The following ZSCAN5C variants were observed in gnomAD, a reference collection of about 807,000 sequenced individuals.
ZSCAN5C encodes zinc finger and SCAN domain-containing protein 5C.
In ZSCAN5C, 11 loss-of-function variants were observed where a neutral mutation model predicts 17.3. The observed-to-expected ratio is 0.64, with a 90% CI of 0.40 to 1.06. The LOEUF is 1.06. ZSCAN5C is among the 50% of genes least tolerant of loss of function. The pLI, the probability that ZSCAN5C is intolerant of heterozygous loss-of-function variation, is 0.00. For synonymous variants in ZSCAN5C, 229 were observed against 208.4 expected, an observed-to-expected ratio of 1.10 and a Z score of -0.85; for missense variants, 698 against 538.9, an observed-to-expected ratio of 1.30 and a Z score of -2.92.
chr19:56,208,001 T>C (rs564978660), intron 3 of ZSCAN5C, 33 bp from the exon 4 acceptor site: 1 of 703,086 alleles, frequency 1.4e-6, no homozygotes, highest in Non-Finnish European at 2.6e-6. Flanking sequence ...GGTTTAGGCA[T>C]GGCAGTCATT....
chr19:56,206,978 G>A (rs2032928304), intron 2 of ZSCAN5C, 81 bp from the exon 3 acceptor site: 4 of 647,756 alleles, frequency 6.2e-6, no homozygotes. Flanking sequence ...TAAAGTGTGA[G>A]CATTATGGCA....
chr19:56,205,088 C>T (rs770504148), intron 1 of ZSCAN5C, among the ~76,000 whole-genome samples: 17 of 151,546 alleles, frequency 1.1e-4, no homozygotes, highest in Non-Finnish European at 2.4e-4. Context: ...GGTGGGCAGG[C>T]GGTGATCACT....
rs529692972 is a variant in ZSCAN5C, at chr19:56,208,037, G to A, written c.592G>A (p.Glu198Lys). The A allele has an allele frequency of 8.2e-5, 60 of 729,702 alleles. 1 individual carries two copies. The highest frequency in any genetic ancestry group is 6.9e-4 in the African/African-American group (40 of 57,954). The allele number at this position is 729,702 out of a possible 1,614,324, so 45.2% of individuals were successfully genotyped here. A position where few individuals can be genotyped will look rare whatever the true frequency, so the allele number is the denominator to read the frequency against. The stretch of plus-strand genomic sequence containing the variant: ...GCTGTTGGTTTTCCATTCTCAGGAA[G>A]AGGACTTCCTGCTGCCAGAGACTAC... Residue 198 changes from glutamate to lysine, a missense_variant, in exon 4 of 5, where the codon GAG becomes AAG. Physicochemically the swap from Glu to Lys is moderately conservative, Grantham distance 56. Transcript: ENST00000534327.
intron 1 of ZSCAN5C, among the ~76,000 whole-genome samples, chr19:56,205,196 A>T (rs1853123793): frequency 6.6e-6 from 1 of 151,836 alleles, no homozygotes; most frequent in Non-Finnish European, 1.5e-5. Flanking sequence ...TCTTAGTCCC[A>T]TGAAATTGTT....
chr19:56,208,684 G>A (rs746154471), exon 5 of ZSCAN5C: 64 of 1,612,462 alleles, frequency 4.0e-5, no homozygotes, highest in Non-Finnish European at 4.9e-5. Flanking sequence ...GAGAATCCCC[G>A]GGACAAGCTG....
rs550590870 is a variant in ZSCAN5C at position 56,207,761 on chromosome 19, C to T, written c.589-273C>T. 1.6e-4 allele frequency among the ~76,000 whole-genome samples: 24 copies of T among 151,814 alleles called. 1 individual carries two copies. The highest frequency in any genetic ancestry group is 5.6e-4 in the African/African-American group (23 of 41,188). On this transcript the variant is annotated intron_variant, in intron 3 of 4. Transcript: ENST00000534327. ...CTAGAGGGTGGAGGCGGGGTCTCTG[C>T]TCTGCACAGGAGCGCCCCCTCCAGG...
chr19:56,209,372 T>G (rs1225701140), downstream of ZSCAN5C: 5 of 515,236 alleles, frequency 9.7e-6, no homozygotes, highest in Non-Finnish European at 1.4e-5. Flanking sequence ...GGAATTTTGG[T>G]TTTTGTTTCA....
intron 1 of ZSCAN5C, among the ~76,000 whole-genome samples, chr19:56,202,699 A>G (rs966099783): frequency 2.6e-5 from 4 of 151,972 alleles, no homozygotes; most frequent in Non-Finnish European, 4.4e-5. Flanking sequence ...AACTACAGGC[A>G]CTTGCCACCA....
At position 56,207,058 on chromosome 19, in the gene ZSCAN5C, G is replaced by A; in HGVS notation, c.385-1G>A. On this transcript the variant is annotated splice_acceptor_variant, in intron 2 of 4. Coordinates refer to ENST00000534327, the Ensembl canonical transcript of ZSCAN5C. LOFTEE classifies it high-confidence loss of function. ...TCTGATTGCTTTTTTTCTCTCTATAGTCTGTAGTCAGTTTTCTTGGCAAGG... is the reference window on the plus strand; with the variant it reads ...TCTGATTGCTTTTTTTCTCTCTATAATCTGTAGTCAGTTTTCTTGGCAAGG... 3 of 715,198 alleles carry A rather than the reference G, an allele frequency of 4.2e-6. No homozygotes were observed. The highest frequency in any genetic ancestry group is 7.7e-6 in the Non-Finnish European group (3 of 389,974). 44.3% of individuals were successfully genotyped at this position (715,198 alleles called of 1,614,324 possible). A position where few individuals can be genotyped will look rare whatever the true frequency, so the allele number is the denominator to read the frequency against.
At chr19:56,206,376 C>T (rs1265495822) in intron 2 of ZSCAN5C, 79 bp downstream of exon 2, 2 of 1,432,200 alleles carry the variant, frequency 1.4e-6, no homozygotes, top group African/African-American at 3.0e-5. Context: ...CTCGAGAGGA[C>T]CCGAGGGGCT....
Position 56,208,833 on chromosome 19 carries a change from C to T in ZSCAN5C, c.1124C>T (p.Thr375Met), listed in dbSNP as rs538159511. The change falls in exon 5 of 5, where the codon ACG becomes ATG. Residue 375 changes from threonine to methionine, a missense_variant. By Grantham distance (81) the Thr-to-Met change is moderately conservative. Around this residue, in one of 3 missense-constraint regions of ZSCAN5C, gnomAD observed 554 missense variants for 390.5 expected, o/e 1.42. Transcript: ENST00000534327. ...TATCGCGGCAAGTTAGCCGTCCACA[C>T]GAGATCACACACAGGCGAGAGACTC... 6.2e-5 allele frequency: 96 copies of T among 1,554,124 alleles called. No individual in the cohort carries two copies. The Middle Eastern group carries it at 6.7e-4, about 11-fold the overall frequency.
In ZSCAN5C at chr19:56,205,824, C is replaced by CA. The variant is rs1464415985; in HGVS notation, c.-90_-89insA. 1 of 620,414 alleles carries CA rather than the reference C, an allele frequency of 1.6e-6. No individual in the cohort carries two copies. Among genetic ancestry groups the CA allele is most frequent in the African/African-American group, 1.8e-5 (1 of 54,334 alleles). 38.4% of individuals were successfully genotyped at this position (620,414 alleles called of 1,614,324 possible). On this transcript the variant is annotated 5_prime_UTR_variant, in exon 2 of 5. It removes the in-frame stop codon of an upstream open reading frame in the 5' UTR. Transcript: ENST00000534327. ...ACAGTGAATCTATTACTGAGAAAAA[C>CA]CAGGGGTGGCCTGTGTATATAGGTC...
intron 3 of ZSCAN5C, 111 bp from the exon 4 acceptor site, chr19:56,207,923 C>G: frequency 1.6e-6 from 1 of 616,520 alleles, no homozygotes; most frequent in Non-Finnish European, 2.9e-6. Flanking sequence ...ACAGTGAAAA[C>G]CACCACACCT....
At chr19:56,208,540 G>C in exon 5 of ZSCAN5C, 1 of 1,589,506 alleles carries the variant, frequency 6.3e-7, no homozygotes, top group South Asian at 1.1e-5. Context: ...CCTGCGTTGT[G>C]GAGAGAGAAG....
intron 3 of ZSCAN5C, 106 bp from the exon 4 acceptor site, chr19:56,207,928 A>G: frequency 1.6e-6 from 1 of 624,878 alleles, no homozygotes; most frequent in Non-Finnish European, 2.9e-6. Context: ...GAAAACCACC[A>G]CACCTGTGTC....
exon 5 of ZSCAN5C, chr19:56,209,155 C>T: frequency 8.1e-7 from 1 of 1,237,378 alleles, no homozygotes; most frequent in Non-Finnish European, 1.2e-6. Context: ...GGCCGGCGAC[C>T]TTAAGACGCC....
At chr19:56,202,982 G>T (rs1277185296) in intron 1 of ZSCAN5C, among the ~76,000 whole-genome samples, 1 of 152,156 alleles carries the variant, frequency 6.6e-6, no homozygotes, top group Middle Eastern at 3.4e-3. Context: ...TGGGGGTCCT[G>T]TGTGCTGTAT....
At chr19:56,207,061 T>C in exon 3 of ZSCAN5C, 1 of 717,418 alleles carries the variant, frequency 1.4e-6, no homozygotes, top group South Asian at 1.5e-5. Context: ...CTCTATAGTC[T>C]GTAGTCAGTT....
At chr19:56,209,365 A>G (rs1000543622), downstream of ZSCAN5C, 2 of 503,610 alleles carry the variant, frequency 4.0e-6, no homozygotes, top group Non-Finnish European at 6.9e-6. Context: ...CCCCGGGGGA[A>G]TTTTGGTTTT....
Sources: gnomAD v4.1 joint callset for allele counts (sites outside exome capture counted in the v4.1 genomes callset) on GRCh38, gnomAD v4.1.1 for gene constraint, gnomAD v4.1.1 regional missense constraint, MANE v1.5 for transcripts, NCBI Gene and HGNC (gene_info 2026-07-23, HGNC 2026-07-21) for gene names.